Variants in VGLL4 observed in about 807,000 individuals in gnomAD.
VGLL4 encodes the protein transcription cofactor vestigial-like protein 4.
VGLL4 carries 7 observed loss-of-function variants against 21.0 expected under a neutral mutation model. The observed-to-expected ratio is 0.33, with a 90% CI of 0.19 to 0.63. The LOEUF (loss-of-function observed/expected upper bound fraction) is 0.63. VGLL4 is among the 20% of genes least tolerant of loss of function. The pLI is 0.78. For synonymous variants in VGLL4, 222 were observed against 173.2 expected (o/e 1.28, Z -2.21); for missense variants, 394 against 425.7 (o/e 0.93, Z 0.66).
intron 1 of VGLL4, among the ~76,000 whole-genome samples, chr3:11,609,352 A>T (rs1171263161): frequency 6.6e-6 from 1 of 152,224 alleles, no homozygotes; most frequent in East Asian, 1.9e-4. Context: ...AGTGGTAGAA[A>T]AAGCAGATTC....
At chr3:11,584,235 T>C (rs1221915827) in intron 2 of VGLL4, among the ~76,000 whole-genome samples, 1 of 152,058 alleles carries the variant, frequency 6.6e-6, no homozygotes, top group Admixed American at 6.5e-5. Flanking sequence ...AATACTCTAA[T>C]TTACAAAAAA....
intron 2 of VGLL4, among the ~76,000 whole-genome samples, chr3:11,666,262 A>AG (rs1204895015): frequency 1.3e-5 from 2 of 151,898 alleles, no homozygotes; most frequent in Non-Finnish European, 2.9e-5. Flanking sequence ...AAAAAAAAAA[A>AG]AAAGAAAGTT....
At chr3:11,680,249 A>G (rs2076350286) in intron 2 of VGLL4, among the ~76,000 whole-genome samples, 1 of 152,170 alleles carries the variant, frequency 6.6e-6, no homozygotes, top group South Asian at 2.1e-4. Flanking sequence ...AGATGACACA[A>G]TTGCCTAAGG....
At chr3:11,716,370 C>T (rs1049401337) in intron 1 of VGLL4, among the ~76,000 whole-genome samples, 5 of 151,106 alleles carry the variant, frequency 3.3e-5, no homozygotes, top group African/African-American at 1.2e-4. Flanking sequence ...AAAAAGCACA[C>T]TTGTTTACAG....
intron 1 of VGLL4, among the ~76,000 whole-genome samples, chr3:11,603,665 A>T (rs1484013055): frequency 6.6e-6 from 1 of 152,062 alleles, no homozygotes; most frequent in Non-Finnish European, 1.5e-5. Flanking sequence ...ACCTCATCAA[A>T]ATGGCACCAG....
chr3:11,559,204 A>G (rs986347063), intron 4 of VGLL4, 128 bp downstream of exon 4: 5 of 1,412,198 alleles, frequency 3.5e-6, no homozygotes, highest in African/African-American at 1.5e-5. Flanking sequence ...GACGTGCTCA[A>G]GAAATACTTT....
At position 11,575,380 on chromosome 3, in the gene VGLL4, C is replaced by T. The variant is rs74624928; in HGVS notation, c.273-10361G>A. Among the ~76,000 whole-genome samples, 842 of 152,342 alleles carry T rather than the reference C, an allele frequency of 5.5e-3. 34 individuals carry two copies. In the East Asian group the frequency reaches 0.098, roughly 18 times the overall value. On this transcript the variant is annotated intron_variant, in intron 2 of 4. Transcript: ENST00000430365. ...CATTAAATCAGCATAGCCAGCATCT[C>T]CACATGCTCCAGCCTTCGAGTTTCT...
In VGLL4 at chr3:11,556,959, A is replaced by G. The variant is rs2072481386; in HGVS notation, c.*1597T>C. On this transcript the variant is annotated 3_prime_UTR_variant, in exon 5 of 5. Coordinates refer to ENST00000430365, the MANE Select transcript of VGLL4 (RefSeq NM_001128219.3). ...CAAGAGCCAGTCCTCCGACCTTTTC[A>G]CCCAGTGCCAATTTCCAAAATTCAA... 1 of 152,648 alleles carries G rather than the reference A, an allele frequency of 6.6e-6. No homozygotes were observed. Among genetic ancestry groups the G allele is most frequent in the Admixed American group, 6.5e-5 (1 of 15,282 alleles). 9.5% of individuals were successfully genotyped at this position (152,648 alleles called of 1,614,324 possible).
intron 1 of VGLL4, among the ~76,000 whole-genome samples, chr3:11,624,011 GGATTACAGGCAT>G (rs1270046894): frequency 7.9e-5 from 12 of 152,136 alleles, no homozygotes; most frequent in South Asian, 2.1e-4. Context: ...CAAAGTGCTG[GGATTACAGGCAT>G]GAGCCACAGC....
intron 1 of VGLL4, among the ~76,000 whole-genome samples, chr3:11,610,907 G>A (rs1035711033): frequency 1.1e-4 from 17 of 152,206 alleles, no homozygotes; most frequent in Admixed American, 6.5e-5. Flanking sequence ...AGCCCTGTGA[G>A]GGAGGCGGGG....
At chr3:11,685,143 T>C (rs184035240) in intron 2 of VGLL4, among the ~76,000 whole-genome samples, 1 of 152,264 alleles carries the variant, frequency 6.6e-6, no homozygotes, top group African/African-American at 2.4e-5. Flanking sequence ...CCATCTATGT[T>C]CCTGCAAAAG....
chr3:11,599,091 G>T (rs1427727070), intron 2 of VGLL4, among the ~76,000 whole-genome samples: 1 of 152,122 alleles, frequency 6.6e-6, no homozygotes, highest in Non-Finnish European at 1.5e-5. Context: ...GAAGAAGTAA[G>T]ACAGGCAGCA....
chr3:11,718,530 G>A (rs1264687188), intron 1 of VGLL4, among the ~76,000 whole-genome samples: 3 of 152,148 alleles, frequency 2.0e-5, no homozygotes, highest in Non-Finnish European at 4.4e-5. Flanking sequence ...TGGACTCAGC[G>A]AGTAGAGAAA....
Position 11,568,753 on chromosome 3 carries a change from G to T in VGLL4, c.273-3734C>A. The T allele has an allele frequency of 6.6e-7, 1 of 1,513,914 alleles. No individual in the cohort carries two copies. The allele number at this position is 1,513,914 out of a possible 1,614,324, so 93.8% of individuals were successfully genotyped here. On this transcript the variant is annotated intron_variant, in intron 2 of 4. Coordinates refer to ENST00000430365, the MANE Select transcript of VGLL4 (RefSeq NM_001128219.3). The surrounding 1 kb of genome is among the most constrained non-coding windows in gnomAD (Gnocchi z 5.9). ...CAGAAAACCGCACGCATCCTGCCCGGGAGATGGAAGTCGCCTCCGCTCCTG... is the reference window on the plus strand; with the variant it reads ...CAGAAAACCGCACGCATCCTGCCCGTGAGATGGAAGTCGCCTCCGCTCCTG...
chr3:11,580,928 A>G (rs1485757750), intron 2 of VGLL4, among the ~76,000 whole-genome samples: 1 of 152,198 alleles, frequency 6.6e-6, no homozygotes, highest in African/African-American at 2.4e-5. Flanking sequence ...AACCTTTAAA[A>G]ATTGTTTCAA....
chr3:11,575,569 C>A (rs141275214), intron 2 of VGLL4, among the ~76,000 whole-genome samples: 8 of 152,312 alleles, frequency 5.3e-5, no homozygotes, highest in Non-Finnish European at 1.2e-4. Flanking sequence ...CTTGGGAAAC[C>A]TGGCGGATCC....
In VGLL4 at chr3:11,617,308, T is replaced by C. The variant is rs1485064764; in HGVS notation, c.83-15286A>G. ...GACTAGAACAACGGGTTTGTTTCCTTAGACTTAAGGCTGGATACAGAGAGG... is the reference window on the plus strand; with the variant it reads ...GACTAGAACAACGGGTTTGTTTCCTCAGACTTAAGGCTGGATACAGAGAGG... On this transcript the variant is annotated intron_variant, in intron 1 of 4. Transcript: ENST00000430365. Among the ~76,000 whole-genome samples, 10 of 152,294 alleles carry C rather than the reference T, an allele frequency of 6.6e-5. No individual in the cohort carries two copies. The South Asian group carries it at 1.0e-3, about 16-fold the overall frequency.
intron 2 of VGLL4, among the ~76,000 whole-genome samples, chr3:11,660,906 C>T (rs972943767): frequency 2.0e-5 from 3 of 152,178 alleles, no homozygotes; most frequent in South Asian, 2.1e-4. Context: ...ACTTTCATTT[C>T]GGCCTTGTTT....
intron 2 of VGLL4, among the ~76,000 whole-genome samples, chr3:11,700,540 C>A (rs2076667122): frequency 6.6e-6 from 1 of 152,084 alleles, no homozygotes; most frequent in Non-Finnish European, 1.5e-5. Context: ...TCTCCCTTCA[C>A]CCCCAAAAAC....
Sources: gnomAD v4.1 joint callset for allele counts (sites outside exome capture counted in the v4.1 genomes callset) on GRCh38, gnomAD v4.1.1 for gene constraint, Gnocchi (gnomAD v3.1) non-coding constraint, MANE v1.5 for transcripts, NCBI Gene and HGNC (gene_info 2026-07-23, HGNC 2026-07-21) for gene names.